UMODL1: variants seen among roughly 807,000 people sequenced by gnomAD.
UMODL1 encodes the protein uromodulin-like 1.
A neutral mutation model predicts 136.3 loss-of-function variants in UMODL1; 128 were observed. The observed-to-expected ratio is 0.94, with a 90% CI of 0.81 to 1.09. UMODL1 has a LOEUF of 1.09. Ranked by LOEUF, UMODL1 falls within the 50% of genes least tolerant of loss-of-function variation. The probability of loss-of-function intolerance (pLI) is 0.00; values close to 1 mark genes in which losing one functional copy is unlikely to be tolerated. For synonymous variants in UMODL1, 721 were observed against 720.0 expected (o/e 1.00, Z -0.02); for missense variants, 1,766 against 1,725.6 (o/e 1.02, Z -0.41).
At chr21:42,111,964 G>T (rs1198313445) in intron 12 of UMODL1, among the ~76,000 whole-genome samples, 1 of 152,114 alleles carries the variant, frequency 6.6e-6, no homozygotes, top group Non-Finnish European at 1.5e-5. Flanking sequence ...TGCAGCAGCT[G>T]GGGCGGAGGT....
rs926172767 is a variant in UMODL1 at position 42,142,613 on chromosome 21, G to A, written c.*539G>A. 6.6e-6 allele frequency: 1 copy of A among 152,232 alleles called. No homozygotes were observed. Among genetic ancestry groups the A allele is most frequent in the African/African-American group, 2.4e-5 (1 of 41,452 alleles). The allele number at this position is 152,232 out of a possible 1,614,324, so 9.4% of individuals were successfully genotyped here. ...ACTGCTAATGTTATTTTTAGTGGAT[G>A]TTTATGCTGTTTGACTTTTCTCCTG... On this transcript the variant is annotated 3_prime_UTR_variant, in exon 23 of 23. Transcript: ENST00000408910.
At chr21:42,096,170 T>C (rs1270885653) in intron 6 of UMODL1, among the ~76,000 whole-genome samples, 1 of 152,112 alleles carries the variant, frequency 6.6e-6, no homozygotes, top group Non-Finnish European at 1.5e-5. Context: ...ATATGGACAA[T>C]TCCAAATGCT....
At chr21:42,079,113 C>G (rs1359087801) in intron 2 of UMODL1, among the ~76,000 whole-genome samples, 1 of 152,206 alleles carries the variant, frequency 6.6e-6, no homozygotes, top group Non-Finnish European at 1.5e-5. Context: ...TTGGCATTGT[C>G]AGGACTAGTG....
rs781132814 is a variant in UMODL1, at chr21:42,127,772, G to A, written c.3631G>A (p.Val1211Ile). The change falls in exon 20 of 23, where the codon GTC becomes ATC. Residue 1211 changes from valine to isoleucine, a missense_variant. Val to Ile is a conservative substitution (Grantham distance 29, BLOSUM62 3). Transcript: ENST00000408910. The stretch of plus-strand genomic sequence containing the variant: ...CTTTTCCTTTATCAACGACTCCATC[G>A]TCTACCTGCACTGCAAACTCCGCGT... ...RIFSFINDSI[V>I]YLHCKLRVCM... The A allele has an allele frequency of 1.2e-5, 19 of 1,614,048 alleles. No homozygotes were observed. Among genetic ancestry groups the A allele is most frequent in the Admixed American group, 3.3e-5 (2 of 60,006 alleles).
At chr21:42,087,237 C>G (rs1398002184) in intron 4 of UMODL1, among the ~76,000 whole-genome samples, 3 of 152,174 alleles carry the variant, frequency 2.0e-5, no homozygotes, top group Non-Finnish European at 4.4e-5. Context: ...AGGGGCTGGT[C>G]TCTGAGGCCT....
rs778941689 is a variant in UMODL1, at chr21:42,088,404, G to A, written c.714G>A (p.Leu238=). ...TGCTACTGGGCCTGCCACGGCCACT[G>A]CCTGTGGCTGACGTCTCCACCCTGC... is the stretch of plus-strand genomic sequence containing the variant. ...SRLLLGLPRP[L]PVADVSTLLG... The change falls in exon 5 of 23, where the codon CTG becomes CTA. Residue 238 remains leucine (L), a synonymous_variant. Transcript: ENST00000408910. The A allele has an allele frequency of 1.5e-5, 24 of 1,613,934 alleles. No homozygotes were observed. The highest frequency in any genetic ancestry group is 6.6e-5 in the South Asian group (6 of 91,078).
At position 42,139,774 on chromosome 21, in the gene UMODL1, G is replaced by A. The variant is rs368329933; in HGVS notation, c.*21+2133G>A. Among the ~76,000 whole-genome samples the A allele has an allele frequency of 2.6e-5, 4 of 152,242 alleles. No individual in the cohort carries two copies. In the East Asian group the frequency reaches 7.7e-4, roughly 29 times the overall value. ...TTTCCTCGTAACTCTATCTAGGGAG[G>A]TGACTGGTCTCTAGCACTGGTCCCG... On this transcript the variant is annotated intron_variant, in intron 22 of 22. Transcript: ENST00000408910.
At chr21:42,140,474 G>T (rs2067267254) in intron 22 of UMODL1, among the ~76,000 whole-genome samples, 1 of 152,104 alleles carries the variant, frequency 6.6e-6, no homozygotes, top group South Asian at 2.1e-4. Flanking sequence ...CCGAGCTGGG[G>T]CTGCATGGGA....
At chr21:42,126,703 A>T (rs1362569440) in intron 18 of UMODL1, among the ~76,000 whole-genome samples, 1 of 152,224 alleles carries the variant, frequency 6.6e-6, no homozygotes, top group Non-Finnish European at 1.5e-5. Flanking sequence ...ATCCCATGGG[A>T]TGGCCCCACT....
chr21:42,115,772 A>G, intron 13 of UMODL1, 101 bp from the exon 14 acceptor site: 1 of 949,614 alleles, frequency 1.1e-6, no homozygotes, highest in Non-Finnish European at 1.6e-6. Context: ...CTTTGGTGTG[A>G]TGCTCTTCCT....
rs577603277 is a variant in UMODL1 at position 42,142,664 on chromosome 21, C to T, written c.*590C>T. 1 of 152,344 alleles carries T rather than the reference C, an allele frequency of 6.6e-6. No homozygotes were observed. Among genetic ancestry groups the T allele is most frequent in the South Asian group, 2.1e-4 (1 of 4,826 alleles). The allele number at this position is 152,344 out of a possible 1,614,324, so 9.4% of individuals were successfully genotyped here. A position where few individuals can be genotyped will look rare whatever the true frequency, so the allele number is the denominator to read the frequency against. ...TGTACCAAGGTATTGCTTTTATTTA[C>T]ACGACAGCGACTCAAAAGGCACTCG... is the stretch of plus-strand genomic sequence containing the variant. On this transcript the variant is annotated 3_prime_UTR_variant, in exon 23 of 23. Coordinates refer to ENST00000408910, the MANE Select transcript of UMODL1 (RefSeq NM_001004416.3).
chr21:42,090,891 A>G (rs1343624302), intron 6 of UMODL1, among the ~76,000 whole-genome samples: 2 of 152,238 alleles, frequency 1.3e-5, no homozygotes, highest in Non-Finnish European at 1.5e-5. Context: ...ATTGAAAATC[A>G]GTTAGATTTG....
intron 1 of UMODL1, among the ~76,000 whole-genome samples, chr21:42,071,753 C>G (rs1365354949): frequency 6.6e-6 from 1 of 151,900 alleles, no homozygotes; most frequent in Non-Finnish European, 1.5e-5. Flanking sequence ...TCAGATCCCA[C>G]TGAGAACAGT....
chr21:42,103,652 A>T (rs1029318477), intron 8 of UMODL1: 1 of 685,266 alleles, frequency 1.5e-6, no homozygotes, highest in East Asian at 2.9e-5. Flanking sequence ...AGTCCCCAGC[A>T]CACACCAGGC....
At chr21:42,094,346 G>T (rs897494950) in intron 6 of UMODL1, among the ~76,000 whole-genome samples, 8 of 152,200 alleles carry the variant, frequency 5.3e-5, no homozygotes, top group Non-Finnish European at 1.2e-4. Flanking sequence ...GATGAGTCAC[G>T]GCTGCCCGGG....
chr21:42,093,205 A>T (rs957194590), intron 6 of UMODL1, among the ~76,000 whole-genome samples: 4 of 136,538 alleles, frequency 2.9e-5, no homozygotes, highest in African/African-American at 5.2e-5. Flanking sequence ...TATTTATTTA[A>T]TTAATTTTAT....
chr21:42,079,468 T>C (rs999021521), intron 2 of UMODL1, among the ~76,000 whole-genome samples: 4 of 151,526 alleles, frequency 2.6e-5, no homozygotes. Context: ...GAGTGGAGAG[T>C]GAGGCCACAG....
In UMODL1 at chr21:42,109,709, G is replaced by A. The variant is rs11203186; in HGVS notation, c.1657+10G>A. 0.19 allele frequency: 295,723 copies of A among 1,598,496 alleles called. 29,236 individuals carry two copies. The highest frequency in any genetic ancestry group is 0.38 in the East Asian group (17,103 of 44,808). ...GGCCGGGCCTGTGAGGGTACGTGTC[G>A]ACCCCCCTGCCGACTCTGGGAAGAC... On this transcript the variant is annotated intron_variant, in intron 10 of 22. Coordinates refer to ENST00000408910, the MANE Select transcript of UMODL1 (RefSeq NM_001004416.3).
rs917143974 is a variant in UMODL1 at position 42,122,639 on chromosome 21, G to A, written c.2828-192G>A. Among the ~76,000 whole-genome samples, 2 of 149,614 alleles carry A rather than the reference G, an allele frequency of 1.3e-5. No individual in the cohort carries two copies. Among genetic ancestry groups the A allele is most frequent in the African/African-American group, 5.0e-5 (2 of 39,994 alleles). ...TGCATGTGTGTGCATGCACGTGTGT[G>A]TACGTGTGTGTGCATATGTGTGCGT... On this transcript the variant is annotated intron_variant, in intron 16 of 22. Transcript: ENST00000408910. This position sits in a 1 kb window ranked among gnomAD's most constrained non-coding sequence, Gnocchi z 4.3.
Sources: gnomAD v4.1 joint callset for allele counts (sites outside exome capture counted in the v4.1 genomes callset) on GRCh38, gnomAD v4.1.1 for gene constraint, Gnocchi (gnomAD v3.1) non-coding constraint, MANE v1.5 for transcripts, NCBI Gene and HGNC (gene_info 2026-07-23, HGNC 2026-07-21) for gene names.